Variants in OTOA observed in about 807,000 individuals in gnomAD.
OTOA encodes otoancorin.
In OTOA, 70 loss-of-function variants were observed where a neutral mutation model predicts 110.8. That is an observed-to-expected ratio of 0.63 (90% CI 0.52 to 0.77). OTOA has a LOEUF of 0.77. Among genes scored for constraint, OTOA ranks in the 30% least tolerant of loss-of-function variants. The probability of loss-of-function intolerance (pLI) is 0.00; values close to 1 mark genes in which losing one functional copy is unlikely to be tolerated. For synonymous variants in OTOA, 373 were observed against 431.5 expected (o/e 0.86, Z 1.68); for missense variants, 917 against 1,075.8 (o/e 0.85, Z 2.06).
At chr16:21,731,130 C>G (rs1414553802) in intron 21 of OTOA, among the ~76,000 whole-genome samples, 200 bp downstream of exon 21, 2 of 152,004 alleles carry the variant, frequency 1.3e-5, no homozygotes, top group Non-Finnish European at 2.9e-5. Flanking sequence ...TAAATGAACT[C>G]AGGCCCTTTT....
intron 14 of OTOA, 23 bp from the exon 15 acceptor site, chr16:21,716,884 T>G (rs763527288): frequency 1.2e-6 from 2 of 1,613,656 alleles, no homozygotes; most frequent in Non-Finnish European, 1.7e-6. Context: ...CAATGTTGTT[T>G]TGTTGCTTCT....
In OTOA at chr16:21,685,469, T is replaced by C. The variant is rs569968939; in HGVS notation, c.399+108T>C. 3.5e-5 allele frequency: 52 copies of C among 1,480,912 alleles called. No homozygotes were observed. In the African/African-American group the frequency reaches 7.1e-4, roughly 20 times the overall value. 91.7% of individuals were successfully genotyped at this position (1,480,912 alleles called of 1,614,324 possible). A position where few individuals can be genotyped will look rare whatever the true frequency, so the allele number is the denominator to read the frequency against. On this transcript the variant is annotated intron_variant, in intron 7 of 28. Transcript: ENST00000646100. ...TAGGCCTTGGCACTTCATTGTCTCT[T>C]CCTCTCTCCTTCTGCCTCCTCCAAC...
rs35961471 is a variant in OTOA at position 21,721,232 on chromosome 16, TACACACACAC to T, written c.1807-1635_1807-1626del. On this transcript the variant is annotated intron_variant, in intron 17 of 28. Transcript: ENST00000646100. ...GCCCATTCTGAAAACACATAATTAT[TACACACACAC>T]ACACACACACACACACACACACACA... The T allele has an allele frequency of 1.4e-3, 532 of 372,418 alleles. 1 individual carries two copies. The highest frequency in any genetic ancestry group is 5.0e-3 in the South Asian group (279 of 56,222). 23.1% of individuals were successfully genotyped at this position (372,418 alleles called of 1,614,324 possible). A position where few individuals can be genotyped will look rare whatever the true frequency, so the allele number is the denominator to read the frequency against.
intron 18 of OTOA, 147 bp from the exon 19 acceptor site, chr16:21,726,376 C>A: frequency 9.0e-7 from 1 of 1,112,650 alleles, no homozygotes; most frequent in Non-Finnish European, 1.3e-6. Context: ...AGCTTGCTAC[C>A]TGCTGCAGGG....
chr16:21,669,196 T>C (rs1265428303), intron 1 of OTOA, among the ~76,000 whole-genome samples: 3 of 151,718 alleles, frequency 2.0e-5, no homozygotes. Flanking sequence ...ATACAAAAAT[T>C]AGCCGGTGCG....
At chr16:21,697,221 A>G (rs1223995116) in intron 9 of OTOA, among the ~76,000 whole-genome samples, 1 of 152,066 alleles carries the variant, frequency 6.6e-6, no homozygotes, top group East Asian at 1.9e-4. Flanking sequence ...CAGATGTTGC[A>G]ATTCCAAAGA....
At chr16:21,689,728 C>T (rs1007816451) in intron 8 of OTOA, among the ~76,000 whole-genome samples, 1 of 151,898 alleles carries the variant, frequency 6.6e-6, no homozygotes, top group Non-Finnish European at 1.5e-5. Context: ...TCTTGTTGCC[C>T]AGGCTGGAGT....
intron 9 of OTOA, among the ~76,000 whole-genome samples, chr16:21,692,196 G>A (rs1034550135): frequency 1.3e-5 from 2 of 151,986 alleles, no homozygotes; most frequent in East Asian, 1.9e-4. Context: ...GCGTGGTGGC[G>A]GGCACCTGTA....
chr16:21,718,995 G>A (rs1283154550), intron 15 of OTOA, 138 bp from the exon 16 acceptor site: 4 of 838,922 alleles, frequency 4.8e-6, no homozygotes, highest in African/African-American at 1.7e-5. Flanking sequence ...TCTAGTCCTA[G>A]GTAACTCACA....
chr16:21,749,750 C>A (rs1467412413), intron 24 of OTOA, among the ~76,000 whole-genome samples: 35 of 125,690 alleles, frequency 2.8e-4, no homozygotes, highest in Admixed American at 5.8e-4. Flanking sequence ...GTGGCACAAT[C>A]TTGGATCACT....
intron 12 of OTOA, among the ~76,000 whole-genome samples, chr16:21,707,599 T>TTC (rs1408888217): frequency 1.7e-5 from 1 of 58,660 alleles, no homozygotes; most frequent in African/African-American, 5.6e-5. Flanking sequence ...TTCCTTTTCT[T>TTC]TCTTTCTTTC....
intron 1 of OTOA, among the ~76,000 whole-genome samples, chr16:21,678,106 G>C (rs1006973722): frequency 6.6e-6 from 1 of 151,822 alleles, no homozygotes; most frequent in East Asian, 2.0e-4. Context: ...GGCTGGTCTC[G>C]AACTCCTGAC....
chr16:21,735,016 A>G (rs1010140825), intron 21 of OTOA, among the ~76,000 whole-genome samples: 25 of 151,696 alleles, frequency 1.6e-4, no homozygotes, highest in Non-Finnish European at 2.9e-4. Flanking sequence ...TGCTGCATGC[A>G]TGTAATCCCA....
chr16:21,684,099 C>T (rs971477986), intron 6 of OTOA, among the ~76,000 whole-genome samples: 12 of 151,614 alleles, frequency 7.9e-5, no homozygotes, highest in African/African-American at 2.4e-4. Flanking sequence ...TAAGTATGTC[C>T]TATGCAACAT....
chr16:21,681,849 A>G (rs1015163700), intron 6 of OTOA, 24 bp downstream of exon 6: 2 of 1,597,526 alleles, frequency 1.3e-6, no homozygotes, highest in Admixed American at 1.7e-5. Flanking sequence ...ACCCATCTAT[A>G]TGTTCCCATC....
intron 21 of OTOA, among the ~76,000 whole-genome samples, chr16:21,731,607 G>C (rs985047958): frequency 4.6e-5 from 7 of 152,204 alleles, no homozygotes; most frequent in Admixed American, 3.9e-4. Context: ...GTCCTAGGTT[G>C]GAAGTTGGCA....
At chr16:21,717,621 A>G (rs1385348903) in intron 15 of OTOA, among the ~76,000 whole-genome samples, 1 of 152,126 alleles carries the variant, frequency 6.6e-6, no homozygotes, top group Non-Finnish European at 1.5e-5. Context: ...ATTCGCGGCT[A>G]TTATGTGTAT....
intron 17 of OTOA, 99 bp downstream of exon 17, chr16:21,719,603 A>T: frequency 1.7e-6 from 2 of 1,157,612 alleles, no homozygotes; most frequent in East Asian, 2.3e-5. Context: ...TGCCAGAATC[A>T]TTCAGACGCA....
chr16:21,702,966 G>A (rs1027269938), intron 11 of OTOA, among the ~76,000 whole-genome samples: 1 of 152,016 alleles, frequency 6.6e-6, no homozygotes, highest in African/African-American at 2.4e-5. Context: ...GAACTACCAC[G>A]CCAAGCCTAT....
Sources: allele counts gnomAD v4.1 joint callset (sites outside exome capture counted in the v4.1 genomes callset), GRCh38; gene constraint gnomAD v4.1.1; transcripts MANE v1.5; gene names NCBI Gene and HGNC (gene_info 2026-07-23, HGNC 2026-07-21).